The following PCLO variants were observed in gnomAD, a reference collection of about 807,000 sequenced individuals.
PCLO encodes the protein piccolo presynaptic cytomatrix protein.
PCLO carries 82 observed loss-of-function variants against 427.5 expected under a neutral mutation model. The observed-to-expected ratio is 0.19, with a 90% CI of 0.16 to 0.23. The LOEUF (loss-of-function observed/expected upper bound fraction) is 0.23. PCLO is among the 10% of genes least tolerant of loss of function. The probability of loss-of-function intolerance (pLI) is 1.00; values close to 1 mark genes in which losing one functional copy is unlikely to be tolerated. For synonymous variants in PCLO, 2,357 were observed against 2,155.4 expected (o/e 1.09, Z -2.59); for missense variants, 6,239 against 6,115.9 (o/e 1.02, Z -0.67).
At chr7:82,932,190 G>A (rs991258069) in intron 6 of PCLO, among the ~76,000 whole-genome samples, 6 of 152,090 alleles carry the variant, frequency 3.9e-5, no homozygotes, top group African/African-American at 1.4e-4. Flanking sequence ...TGAGTACATG[G>A]CTCTTTGAAC....
At chr7:82,818,233 A>G (rs1200058395) in intron 20 of PCLO, among the ~76,000 whole-genome samples, 2 of 152,060 alleles carry the variant, frequency 1.3e-5, no homozygotes, top group Non-Finnish European at 2.9e-5. Flanking sequence ...GAAAGAAAAA[A>G]TTCCTTTTGA....
At chr7:83,150,124 C>T (rs1377218425) in intron 2 of PCLO, among the ~76,000 whole-genome samples, 1 of 152,048 alleles carries the variant, frequency 6.6e-6, no homozygotes, top group African/African-American at 2.4e-5. Context: ...GGAAAATTAC[C>T]AAACATTAGG....
At chr7:83,160,114 T>G (rs1227982937) in intron 1 of PCLO, among the ~76,000 whole-genome samples, 1 of 152,252 alleles carries the variant, frequency 6.6e-6, no homozygotes, top group South Asian at 2.1e-4. Context: ...ATTTGTAGGG[T>G]TTGTGTAAAT....
At chr7:82,903,627 A>G (rs1794113277) in intron 8 of PCLO, among the ~76,000 whole-genome samples, 1 of 151,968 alleles carries the variant, frequency 6.6e-6, no homozygotes, top group Non-Finnish European at 1.5e-5. Context: ...TGAAAGACAG[A>G]AATAGTAAGA....
At chr7:83,124,606 G>A (rs1791378736) in intron 3 of PCLO, among the ~76,000 whole-genome samples, 1 of 152,110 alleles carries the variant, frequency 6.6e-6, no homozygotes, top group African/African-American at 2.4e-5. Context: ...TAGTATGGAA[G>A]TTTCTTAAAA....
chr7:82,961,694 T>C (rs1040126662), intron 4 of PCLO, among the ~76,000 whole-genome samples: 1 of 152,190 alleles, frequency 6.6e-6, no homozygotes, highest in African/African-American at 2.4e-5. Context: ...GTTGGTCACA[T>C]GGTCTGTGAG....
At position 82,954,016 on chromosome 7, in the gene PCLO, T is replaced by C. The variant is rs1487831728; in HGVS notation, c.6937A>G (p.Ile2313Val). The change falls in exon 5 of 25, where the codon ATT becomes GTT. Residue 2313 changes from isoleucine (I) to valine (V), a missense_variant. Coordinates refer to ENST00000333891, the MANE Select transcript of PCLO (RefSeq NM_033026.6). ...CTGTAAGCTTCCAAAACTTCCAGAATGATTCCATTCCCAGTTTCCTTCTTG... is the reference window on the plus strand; with the variant it reads ...CTGTAAGCTTCCAAAACTTCCAGAACGATTCCATTCCCAGTTTCCTTCTTG... ...KAKKETGNGI[I>V]LEVLEAYRDK... 1 of 1,613,848 alleles carries C rather than the reference T, an allele frequency of 6.2e-7. No individual in the cohort carries two copies. The highest frequency in any genetic ancestry group is 1.1e-5 in the South Asian group (1 of 91,092).
chr7:82,863,953 T>C (rs927455518), intron 10 of PCLO, among the ~76,000 whole-genome samples: 1 of 152,082 alleles, frequency 6.6e-6, no homozygotes, highest in Non-Finnish European at 1.5e-5. Context: ...TTTCTCATTT[T>C]ATCTTCACAG....
chr7:83,106,575 G>A (rs1790861980), intron 3 of PCLO, among the ~76,000 whole-genome samples: 1 of 152,062 alleles, frequency 6.6e-6, no homozygotes, highest in African/African-American at 2.4e-5. Flanking sequence ...ACTGGATTAT[G>A]AGTTTTGTGA....
intron 3 of PCLO, among the ~76,000 whole-genome samples, chr7:83,006,750 T>A (rs1343874424): frequency 6.6e-6 from 1 of 151,410 alleles, no homozygotes; most frequent in African/African-American, 2.4e-5. Flanking sequence ...CAAAAAAGTC[T>A]CTATAATATT....
chr7:82,947,742 A>G (rs1487580031), intron 6 of PCLO, among the ~76,000 whole-genome samples: 1 of 152,156 alleles, frequency 6.6e-6, no homozygotes, highest in African/African-American at 2.4e-5. Context: ...TTATTTGGTA[A>G]TTCTACTCAA....
intron 22 of PCLO, among the ~76,000 whole-genome samples, chr7:82,784,773 A>G (rs1790947348): frequency 6.6e-6 from 1 of 152,232 alleles, no homozygotes; most frequent in South Asian, 2.1e-4. Flanking sequence ...CTAAAATAAT[A>G]TCATGCTGTG....
rs1325661929 is a variant in PCLO, at chr7:82,954,967, A to C, written c.5986T>G (p.Ser1996Ala). The C allele has an allele frequency of 6.2e-7, 1 of 1,613,808 alleles. No individual in the cohort carries two copies. The highest frequency in any genetic ancestry group is 1.7e-5 in the Admixed American group (1 of 60,002). Reference protein sequence around the residue: ...QKGREQKIRLSEQIYEDPMQK... With the variant: ...QKGREQKIRLAEQIYEDPMQK... ...ATAGGATCTTCATAAATCTGTTCTGAAAGTCTTATCTTTTGCTCTCTTCCT... is the reference window on the plus strand; with the variant it reads ...ATAGGATCTTCATAAATCTGTTCTGCAAGTCTTATCTTTTGCTCTCTTCCT... The change falls in exon 5 of 25, where the codon TCA becomes GCA. Residue 1996 changes from serine (S) to alanine (A), a missense_variant. Coordinates refer to ENST00000333891, the MANE Select transcript of PCLO (RefSeq NM_033026.6).
chr7:83,014,288 T>C (rs141520170), intron 3 of PCLO, among the ~76,000 whole-genome samples: 134 of 152,296 alleles, frequency 8.8e-4, no homozygotes, highest in South Asian at 1.9e-3. Context: ...ATATCTATCC[T>C]GTTCTACCGT....
chr7:83,156,399 GA>G lies in PCLO; in HGVS notation c.249-8del. On this transcript the variant is annotated splice_region_variant and splice_polypyrimidine_tract_variant and intron_variant, in intron 1 of 24. Transcript: ENST00000333891. ...ACTATCCAACTCTTGTTTCCTAGAA[GA>G]GTTAAAAAAAAAAAAAAAAATCAAG... 1 of 1,134,028 alleles carries G rather than the reference GA, an allele frequency of 8.8e-7. No homozygotes were observed. Among genetic ancestry groups the G allele is most frequent in the African/African-American group, 1.8e-5 (1 of 54,064 alleles). 70.2% of individuals were successfully genotyped at this position (1,134,028 alleles called of 1,614,324 possible).
chr7:83,040,348 G>A (rs1228631144), intron 3 of PCLO, among the ~76,000 whole-genome samples: 1 of 152,010 alleles, frequency 6.6e-6, no homozygotes, highest in Non-Finnish European at 1.5e-5. Context: ...AGTCACCTTG[G>A]GATAACAGGG....
chr7:82,954,597 G>A lies in PCLO; in HGVS notation c.6356C>T (p.Ser2119Leu), dbSNP rs760096079. 3.7e-6 allele frequency: 6 copies of A among 1,613,918 alleles called. No homozygotes were observed. The highest frequency in any genetic ancestry group is 4.2e-6 in the Non-Finnish European group (5 of 1,179,856). ...GATAGAGAGTGTTGCACTGCTGGTC[G>A]AATCTGTAAGAGACGCTCCTGAGAG... ...SVLSGASLTD[S>L]TSSATLSIPD... The change falls in exon 5 of 25, where the codon TCG becomes TTG. Residue 2119 changes from serine to leucine, a missense_variant. Transcript: ENST00000333891.
At chr7:83,082,933 C>T (rs1430954913) in intron 3 of PCLO, among the ~76,000 whole-genome samples, 2 of 151,538 alleles carry the variant, frequency 1.3e-5, no homozygotes, top group African/African-American at 4.8e-5. Context: ...GTCAAACTCA[C>T]CAAAAGAACA....
intron 3 of PCLO, among the ~76,000 whole-genome samples, chr7:83,050,874 C>T (rs1296643580): frequency 6.6e-6 from 1 of 152,072 alleles, no homozygotes; most frequent in Non-Finnish European, 1.5e-5. Flanking sequence ...GATTGCACCA[C>T]TGCACTCCAG....
Sources: allele counts gnomAD v4.1 joint callset (sites outside exome capture counted in the v4.1 genomes callset), GRCh38; gene constraint gnomAD v4.1.1; transcripts MANE v1.5; gene names NCBI Gene and HGNC (gene_info 2026-07-23, HGNC 2026-07-21).